The following CSAD variants were observed in gnomAD, a reference collection of about 807,000 sequenced individuals.
The protein encoded by CSAD is cysteine sulfinic acid decarboxylase.
Under a neutral mutation model 61.5 loss-of-function variants are expected in CSAD, and 47 were observed. That is an observed-to-expected ratio of 0.76 (90% CI 0.60 to 0.97). The LOEUF (loss-of-function observed/expected upper bound fraction) is 0.97, where lower values mean the gene tolerates loss of function less well. CSAD is among the 50% of genes least tolerant of loss of function. The pLI is 0.00. For missense variants in CSAD, 611 were observed against 643.6 expected (o/e 0.95, Z 0.55); for synonymous variants, 245 against 252.7 (o/e 0.97, Z 0.29).
Position 53,171,319 on chromosome 12 carries a change from TC to T in CSAD, c.567+6del, listed in dbSNP as rs766579913. The T allele has an allele frequency of 1.2e-6, 2 of 1,613,868 alleles. No individual in the cohort carries two copies. Among genetic ancestry groups the T allele is most frequent in the Non-Finnish European group, 1.7e-6 (2 of 1,180,034 alleles). The stretch of plus-strand genomic sequence containing the variant: ...AGCCCAGGGTTGGGCCTGTGCCTCT[TC>T]CCCACCTCCTTCGATGTGAATAGGG... On this transcript the variant is annotated splice_donor_region_variant and intron_variant, in intron 8 of 16. Coordinates refer to ENST00000444623, the MANE Select transcript of CSAD (RefSeq NM_001244705.2).
chr12:53,171,595 A>G, intron 7 of CSAD, 154 bp from the exon 8 acceptor site: 1 of 727,272 alleles, frequency 1.4e-6, no homozygotes, highest in East Asian at 2.7e-5. Context: ...CCCAGAATGG[A>G]TCCAGGATCA....
At position 53,161,296 on chromosome 12, in the gene CSAD, G is replaced by A; in HGVS notation, c.796C>T (p.His266Tyr). The A allele has an allele frequency of 6.2e-7, 1 of 1,614,130 alleles. No homozygotes were observed. Among genetic ancestry groups the A allele is most frequent in the Non-Finnish European group, 8.5e-7 (1 of 1,180,004 alleles). The change falls in exon 11 of 17, where the codon CAT becomes TAT. Residue 266 changes from histidine to tyrosine, a missense_variant. His to Tyr is a moderately conservative substitution (Grantham distance 83). Coordinates refer to ENST00000444623, the MANE Select transcript of CSAD (RefSeq NM_001244705.2). ...ACATCCACATGCAGCCATAGCCCAT[G>A]ACGCTGGCACACATCAGCAATTGCC... ...LEAIADVCQRHGLWLHVDAAW... is the reference protein window; with the variant it reads ...LEAIADVCQRYGLWLHVDAAW...
intron 1 of CSAD, 98 bp downstream of exon 1, chr12:53,180,634 C>T: frequency 1.6e-6 from 2 of 1,283,634 alleles, no homozygotes; most frequent in Non-Finnish European, 2.0e-6. Flanking sequence ...GTCTAGCTGC[C>T]GAGCCCGGAA....
chr12:53,180,596 C>T (rs945052802), intron 1 of CSAD, 136 bp downstream of exon 1: 24 of 1,285,098 alleles, frequency 1.9e-5, no homozygotes, highest in Middle Eastern at 2.1e-4. Flanking sequence ...CGTCCCCAAG[C>T]TCACCCGCTC....
In CSAD at chr12:53,158,277, A is replaced by G; in HGVS notation, c.*234T>C. On this transcript the variant is annotated 3_prime_UTR_variant, in exon 17 of 17. Coordinates refer to ENST00000444623, the MANE Select transcript of CSAD (RefSeq NM_001244705.2). ...CAACCTCCTGAGTAGCTGGGTTTAC[A>G]GGCACAGGCCACCATGCTCGGCTAA... 1 of 329,796 alleles carries G rather than the reference A, an allele frequency of 3.0e-6. No homozygotes were observed. The allele number at this position is 329,796 out of a possible 1,614,324, so 20.4% of individuals were successfully genotyped here.
rs375072032 is a variant in CSAD at position 53,174,071 on chromosome 12, G to A, written c.-49-301C>T. 2.5e-4 allele frequency: 86 copies of A among 347,420 alleles called. 1 individual carries two copies. Among genetic ancestry groups the A allele is most frequent in the East Asian group, 9.9e-4 (13 of 13,174 alleles). 21.5% of individuals were successfully genotyped at this position (347,420 alleles called of 1,614,324 possible). ...TGTAATCCCAGCACTTTGGGAGGCC[G>A]AGGCGGGCGGATCACGAGGTCAGGA... is the stretch of plus-strand genomic sequence containing the variant. On this transcript the variant is annotated intron_variant, in intron 2 of 16. Coordinates refer to ENST00000444623, the MANE Select transcript of CSAD (RefSeq NM_001244705.2).
At chr12:53,180,202 C>G in intron 1 of CSAD, 1 of 985,410 alleles carries the variant, frequency 1.0e-6, no homozygotes, top group Non-Finnish European at 1.2e-6. Context: ...AAGTTAACGC[C>G]TCTCCCAGCT....
intron 2 of CSAD, among the ~76,000 whole-genome samples, chr12:53,177,575 G>A (rs2121520852): frequency 6.6e-6 from 1 of 152,258 alleles, no homozygotes; most frequent in South Asian, 2.1e-4. Context: ...GATCACTTGA[G>A]CTCACGAGTT....
At chr12:53,179,559 T>C in intron 1 of CSAD, 1 of 514,556 alleles carries the variant, frequency 1.9e-6, no homozygotes, top group Non-Finnish European at 3.4e-6. Context: ...GATGTTTCTT[T>C]ATCTCTCTCT....
chr12:53,160,651 A>T lies in CSAD; in HGVS notation c.966+112T>A. ...AGGGTGGTAGCTGAGATGCAGCTTC[A>T]GAAGGGATGGTAAAGAGAATAGAGA... On this transcript the variant is annotated intron_variant, in intron 13 of 16. Transcript: ENST00000444623. 1.3e-5 allele frequency: 12 copies of T among 946,820 alleles called. No homozygotes were observed. The South Asian group carries it at 1.8e-4, about 14-fold the overall frequency. 58.7% of individuals were successfully genotyped at this position (946,820 alleles called of 1,614,324 possible).
chr12:53,172,047 C>T, intron 6 of CSAD, 59 bp from the exon 7 acceptor site: 1 of 1,242,190 alleles, frequency 8.1e-7, no homozygotes, highest in Admixed American at 1.8e-5. Flanking sequence ...CAGACAGGCC[C>T]TTAAACTGCA....
In CSAD at chr12:53,160,910, T is replaced by C. The variant is rs571574961; in HGVS notation, c.885-66A>G. 2.1e-6 allele frequency: 3 copies of C among 1,441,734 alleles called. No homozygotes were observed. In the South Asian group the frequency reaches 3.7e-5, roughly 18 times the overall value. 89.3% of individuals were successfully genotyped at this position (1,441,734 alleles called of 1,614,324 possible). On this transcript the variant is annotated intron_variant, in intron 12 of 16. Transcript: ENST00000444623. ...CCAGCTGCCCAACCAGAGCCCTTCC[T>C]CCTTTTCCAGGTCCCCAGCAAAGGG...
At chr12:53,181,122 G>C, upstream of CSAD, 1 of 964,390 alleles carries the variant, frequency 1.0e-6, no homozygotes, top group Non-Finnish European at 1.2e-6. Flanking sequence ...TCTGCTCCCG[G>C]TTGGTGCAGC....
At chr12:53,168,969 CAGG>C (rs1389712813) in intron 10 of CSAD, among the ~76,000 whole-genome samples, 1 of 151,464 alleles carries the variant, frequency 6.6e-6, no homozygotes, top group Non-Finnish European at 1.5e-5. Context: ...TGTTTGAGGT[CAGG>C]AGTTCAAGAC....
In CSAD at chr12:53,171,322, C is replaced by T; in HGVS notation, c.567+4G>A. On this transcript the variant is annotated splice_donor_region_variant and intron_variant, in intron 8 of 16. Transcript: ENST00000444623. ...CCAGGGTTGGGCCTGTGCCTCTTCC[C>T]CACCTCCTTCGATGTGAATAGGGCC... The T allele has an allele frequency of 6.2e-7, 1 of 1,614,036 alleles. No homozygotes were observed. Among genetic ancestry groups the T allele is most frequent in the African/African-American group, 1.3e-5 (1 of 75,058 alleles).
rs1939191977 is a variant in CSAD at position 53,160,811 on chromosome 12, G to T, written c.918C>A (p.Leu306=). ...ADSVAWNPHK[L]LAAGLQCSAL... ...CAGAGCATTGCAGGCCTGCTGCGAG[G>T]AGCTTGTGGGGATTCCAGGCCACAG... Residue 306 remains leucine (L), a synonymous_variant, in exon 13 of 17, where the codon CTC becomes CTA. Coordinates refer to ENST00000444623, the MANE Select transcript of CSAD (RefSeq NM_001244705.2). 2 of 1,551,834 alleles carry T rather than the reference G, an allele frequency of 1.3e-6. No homozygotes were observed. Among genetic ancestry groups the T allele is most frequent in the Non-Finnish European group, 1.7e-6 (2 of 1,147,070 alleles).
Position 53,173,334 on chromosome 12 carries a change from A to T in CSAD, c.126+11T>A, listed in dbSNP as rs371566500. On this transcript the variant is annotated intron_variant, in intron 4 of 16. Transcript: ENST00000444623. ...AAGCTTGATGGGAAGGAGGAGGAAG[A>T]AAGGACTCACCTTCTGGGAGACACT... The T allele has an allele frequency of 1.9e-6, 3 of 1,610,058 alleles. No individual in the cohort carries two copies. The African/African-American group carries it at 4.0e-5, about 22-fold the overall frequency.
intron 2 of CSAD, among the ~76,000 whole-genome samples, chr12:53,178,152 C>T (rs974403541): frequency 6.6e-6 from 1 of 152,066 alleles, no homozygotes; most frequent in African/African-American, 2.4e-5. Flanking sequence ...CAAACTTTTA[C>T]AATTCATTTT....
Position 53,171,916 on chromosome 12 carries a change from C to G in CSAD, c.417G>C (p.Val139=). ...AGATTCCGTCCCCAGAGCTCCAGCC[C>G]ACCAGGGCCCGCAGTTTCCTCAGCA... is the stretch of plus-strand genomic sequence containing the variant. ...EEVLRKLRAL[V]GWSSGDGIFC... is the part of the protein sequence containing the mutation. Residue 139 remains valine (V), a synonymous_variant, in exon 7 of 17, where the codon GTG becomes GTC. Transcript: ENST00000444623. 1 of 1,614,056 alleles carries G rather than the reference C, an allele frequency of 6.2e-7. No individual in the cohort carries two copies. The highest frequency in any genetic ancestry group is 1.7e-5 in the Admixed American group (1 of 60,010).
Sources: allele counts gnomAD v4.1 joint callset (sites outside exome capture counted in the v4.1 genomes callset), GRCh38; gene constraint gnomAD v4.1.1; transcripts MANE v1.5; gene names NCBI Gene and HGNC (gene_info 2026-07-23, HGNC 2026-07-21).